DUSP13A: variants seen among roughly 807,000 people sequenced by gnomAD.
DUSP13A encodes the protein dual specificity phosphatase 13A, also known as dual specificity protein phosphatase 13A.
the DUSP13A span, among the ~76,000 whole-genome samples, chr10:75,106,101 C>CTTTT: frequency 1.7e-4 from 21 of 122,978 alleles, no homozygotes; most frequent in South Asian, 2.6e-4. Flanking sequence ...TCTTTCTTTT[C>CTTTT]TTTTTTTTTT....
At chr10:75,105,763 G>T in the DUSP13A span, 2 of 1,552,764 alleles carry the variant, frequency 1.3e-6, no homozygotes, top group South Asian at 2.4e-5. Flanking sequence ...CTGCCTCACG[G>T]TGATCACCGC....
the DUSP13A span, chr10:75,108,279 C>G: frequency 1.3e-6 from 2 of 1,521,922 alleles, no homozygotes; most frequent in Admixed American, 2.1e-5. Context: ...GTGCCTGGCC[C>G]CCTGCTGCAG....
the DUSP13A span, among the ~76,000 whole-genome samples, chr10:75,107,698 T>G: frequency 6.6e-6 from 1 of 152,134 alleles, no homozygotes; most frequent in Non-Finnish European, 1.5e-5. Flanking sequence ...TGCCTCAGCC[T>G]CCAGAGTAGC....
chr10:75,107,987 C>T, the DUSP13A span: 1 of 1,609,250 alleles, frequency 6.2e-7, no homozygotes, highest in Non-Finnish European at 8.5e-7. Flanking sequence ...GACCCCAAGT[C>T]CTACCCCCAG....
At chr10:75,105,757 C>G in the DUSP13A span, 7 of 1,553,348 alleles carry the variant, frequency 4.5e-6, no homozygotes, top group Non-Finnish European at 6.1e-6. Context: ...TCGGTGCTGC[C>G]TCACGGTGAT....
the DUSP13A span, among the ~76,000 whole-genome samples, chr10:75,107,313 C>T: frequency 1.3e-5 from 2 of 150,802 alleles, no homozygotes; most frequent in Admixed American, 1.3e-4. Flanking sequence ...CGCCACTGCA[C>T]TCCAGCTTGG....
chr10:75,108,160 CG>C, the DUSP13A span: 1 of 1,612,488 alleles, frequency 6.2e-7, no homozygotes. Flanking sequence ...GCGTTCAGCA[CG>C]TGGGTGATGC....
chr10:75,105,907 A>G, the DUSP13A span: 1 of 1,531,112 alleles, frequency 6.5e-7, no homozygotes, highest in South Asian at 1.2e-5. Flanking sequence ...TGTCCCACAC[A>G]CCGGCCCACC....
the DUSP13A span, chr10:75,105,709 C>A: frequency 2.6e-6 from 4 of 1,552,646 alleles, no homozygotes; most frequent in Non-Finnish European, 3.5e-6. Flanking sequence ...GTCCAGCCTG[C>A]AGAGCTGGTG....
At chr10:75,108,445 A>G in the DUSP13A span, among the ~76,000 whole-genome samples, 1 of 152,186 alleles carries the variant, frequency 6.6e-6, no homozygotes, top group South Asian at 2.1e-4. Context: ...TGCTTCCTCA[A>G]TGCATCTGTC....
At chr10:75,107,167 C>T in the DUSP13A span, among the ~76,000 whole-genome samples, 1 of 152,120 alleles carries the variant, frequency 6.6e-6, no homozygotes, top group East Asian at 1.9e-4. Context: ...GAAACCCTGT[C>T]TCTGCTAAAA....
At chr10:75,106,696 A>G in the DUSP13A span, among the ~76,000 whole-genome samples, 787 of 152,360 alleles carry the variant, frequency 5.2e-3, 5 homozygotes, top group African/African-American at 0.018. Flanking sequence ...TCTTTCCACC[A>G]GTTCCAAGAG....
At chr10:75,105,863 C>T in the DUSP13A span, 1 of 1,547,464 alleles carries the variant, frequency 6.5e-7, no homozygotes, top group Non-Finnish European at 8.7e-7. Flanking sequence ...TGCACCAGGA[C>T]CTTGGCTGAG....
chr10:75,108,396 G>T, the DUSP13A span: 2 of 1,109,412 alleles, frequency 1.8e-6, no homozygotes, highest in African/African-American at 1.6e-5. Flanking sequence ...TGGTGGCTGA[G>T]CCGGCGGTGT....
chr10:75,107,863 C>T, the DUSP13A span: 1 of 1,151,722 alleles, frequency 8.7e-7, no homozygotes, highest in Middle Eastern at 2.9e-4. Flanking sequence ...AAGCATGAGC[C>T]ACCACACACG....
the DUSP13A span, among the ~76,000 whole-genome samples, chr10:75,107,148 C>T: frequency 6.6e-6 from 1 of 152,178 alleles, no homozygotes; most frequent in Non-Finnish European, 1.5e-5. Flanking sequence ...CCAGCCTCGC[C>T]AACATGGTGA....
At chr10:75,106,706 G>A in the DUSP13A span, among the ~76,000 whole-genome samples, 3 of 152,222 alleles carry the variant, frequency 2.0e-5, no homozygotes, top group African/African-American at 7.2e-5. Context: ...AGTTCCAAGA[G>A]GGCAGGGATC....
chr10:75,108,005 G>A, the DUSP13A span: 6 of 1,612,806 alleles, frequency 3.7e-6, no homozygotes, highest in African/African-American at 1.3e-5. Flanking sequence ...CAGGCGTGTT[G>A]AGGGCACGGT....
the DUSP13A span, among the ~76,000 whole-genome samples, chr10:75,106,301 C>T: frequency 6.6e-6 from 1 of 151,860 alleles, no homozygotes; most frequent in Non-Finnish European, 1.5e-5. Flanking sequence ...GATTGTCCCT[C>T]CCCCACCTTC....
Sources: gnomAD v4.1 joint callset for allele counts (sites outside exome capture counted in the v4.1 genomes callset) on GRCh38, gnomAD v4.1.1 for gene constraint, MANE v1.5 for transcripts, NCBI Gene and HGNC (gene_info 2026-07-23, HGNC 2026-07-21) for gene names.